Variants in FRYL observed in about 807,000 individuals in gnomAD.
FRYL encodes the protein protein furry homolog-like.
In FRYL, 150 loss-of-function variants were observed where a neutral mutation model predicts 351.2. The ratio of observed to expected loss-of-function variants is 0.43; its 90% CI spans 0.37 to 0.49. FRYL has a LOEUF of 0.49. Ranked by LOEUF, FRYL falls within the 20% of genes least tolerant of loss-of-function variation. The pLI is 0.00. For synonymous variants in FRYL, 1,153 were observed against 1,257.1 expected (o/e 0.92, Z 1.75); for missense variants, 3,036 against 3,619.3 (o/e 0.84, Z 4.13).
At chr4:48,724,236 A>G (rs1322904412) in intron 1 of FRYL, among the ~76,000 whole-genome samples, 1 of 152,168 alleles carries the variant, frequency 6.6e-6, no homozygotes, top group African/African-American at 2.4e-5. Flanking sequence ...AAGACAGGGG[A>G]AAAAGTCCAT....
chr4:48,638,935 A>G (rs981854733), intron 3 of FRYL, among the ~76,000 whole-genome samples: 2 of 152,094 alleles, frequency 1.3e-5, no homozygotes, highest in African/African-American at 4.8e-5. Flanking sequence ...GGAGGGGAAC[A>G]TCACACACTG....
At chr4:48,641,776 A>C (rs556783090) in intron 3 of FRYL, among the ~76,000 whole-genome samples, 23 of 152,304 alleles carry the variant, frequency 1.5e-4, no homozygotes, top group African/African-American at 5.5e-4. Context: ...TAAAGGTCCA[A>C]ATTCTTATCA....
intron 3 of FRYL, among the ~76,000 whole-genome samples, chr4:48,671,602 G>C (rs1762677974): frequency 6.6e-6 from 1 of 152,102 alleles, no homozygotes; most frequent in Non-Finnish European, 1.5e-5. Flanking sequence ...GGGAGGCAGA[G>C]GTTGTGGTGA....
At chr4:48,544,022 G>A (rs1204436133) in intron 43 of FRYL, 25 bp from the exon 44 acceptor site, 2 of 1,603,252 alleles carry the variant, frequency 1.2e-6, no homozygotes, top group African/African-American at 1.3e-5. Flanking sequence ...GAAACGAGTA[G>A]GTTGTTCTTG....
In FRYL at chr4:48,582,597, A is replaced by C. The variant is rs1447940880; in HGVS notation, c.1886T>G (p.Val629Gly). ...VYFIVREVTD[V>G]HPTLLDNAVK... ...GGCATTATCAAGAAGTGTGGGATGG[A>C]CATCAGTCACTTCACGAACAATAAA... The change falls in exon 20 of 64, where the codon GTC becomes GGC. Residue 629 changes from valine to glycine, a missense_variant. By Grantham distance (109) the Val-to-Gly change is moderately radical. Coordinates refer to ENST00000358350, the MANE Select transcript of FRYL (RefSeq NM_015030.2). 2 of 1,613,758 alleles carry C rather than the reference A, an allele frequency of 1.2e-6. No individual in the cohort carries two copies. Among genetic ancestry groups the C allele is most frequent in the African/African-American group, 2.7e-5 (2 of 74,934 alleles).
Position 48,557,109 on chromosome 4 carries a change from C to T in FRYL, c.4135G>A (p.Glu1379Lys), listed in dbSNP as rs186515758. Residue 1379 changes from glutamate to lysine, a missense_variant, in exon 35 of 64, where the codon GAA becomes AAA. By Grantham distance (56) the Glu-to-Lys change is moderately conservative. Around this residue, in one of 7 missense-constraint regions of FRYL, gnomAD observed 1,987 missense variants for 2,311.7 expected, o/e 0.86. Transcript: ENST00000358350. Reference sequence around the variant, plus strand: ...TTCTCCACCTCCGACCAGGCCAGTTCATCGCCATACTAGATGCAATATGCA... The same window carrying T: ...TTCTCCACCTCCGACCAGGCCAGTTTATCGCCATACTAGATGCAATATGCA... ...LMYMTAKYGD[E>K]LAWSEVENVW... 53 of 1,586,384 alleles carry T rather than the reference C, an allele frequency of 3.3e-5. No homozygotes were observed. The East Asian group carries it at 7.0e-4, about 21-fold the overall frequency.
chr4:48,506,344 G>A (rs1054108591), intron 59 of FRYL: 7 of 150,856 alleles, frequency 4.6e-5, no homozygotes, highest in African/African-American at 1.5e-4. Context: ...GACCATCCTG[G>A]GCAACATAGG....
At chr4:48,712,644 G>A (rs1054758758) in intron 1 of FRYL, among the ~76,000 whole-genome samples, 2 of 152,220 alleles carry the variant, frequency 1.3e-5, no homozygotes, top group Non-Finnish European at 2.9e-5. Context: ...AAAACACTCT[G>A]CAGGATATTG....
chr4:48,613,954 C>CAA (rs35519906), intron 7 of FRYL, among the ~76,000 whole-genome samples: 3,120 of 114,904 alleles, frequency 0.027, 57 homozygotes, highest in Non-Finnish European at 0.039. Flanking sequence ...TGACTCCAAC[C>CAA]AAAAAAAAAA....
chr4:48,605,671 A>C, intron 11 of FRYL, 70 bp downstream of exon 11: 1 of 1,034,978 alleles, frequency 9.7e-7, no homozygotes, highest in East Asian at 2.5e-5. Context: ...TAGGACAAAA[A>C]ATAAAAGTAT....
intron 1 of FRYL, among the ~76,000 whole-genome samples, chr4:48,720,436 G>T (rs956541742): frequency 1.3e-5 from 2 of 152,058 alleles, no homozygotes; most frequent in Non-Finnish European, 2.9e-5. Flanking sequence ...GGTGGAGGTT[G>T]CAGTGAGCTG....
At chr4:48,674,701 C>G (rs1246471250) in intron 3 of FRYL, among the ~76,000 whole-genome samples, 2 of 118,680 alleles carry the variant, frequency 1.7e-5, no homozygotes, top group African/African-American at 6.4e-5. Context: ...CGCTCCACTG[C>G]ACTCCAGCCA....
At chr4:48,523,234 A>G in intron 53 of FRYL, 130 bp from the exon 54 acceptor site, 1 of 618,446 alleles carries the variant, frequency 1.6e-6, no homozygotes. Flanking sequence ...AGTTTCAATC[A>G]GCCCTTCAAT....
At chr4:48,744,777 G>A (rs545854395) in intron 1 of FRYL, among the ~76,000 whole-genome samples, 7 of 151,962 alleles carry the variant, frequency 4.6e-5, no homozygotes, top group African/African-American at 1.7e-4. Flanking sequence ...AGTTTCTATT[G>A]TATTTACCAT....
At chr4:48,732,748 G>A (rs567788838) in intron 1 of FRYL, among the ~76,000 whole-genome samples, 37 of 150,052 alleles carry the variant, frequency 2.5e-4, no homozygotes, top group African/African-American at 9.1e-4. Flanking sequence ...GACACAGGGA[G>A]GGGAACATCA....
rs529891293 is a variant in FRYL, at chr4:48,655,124, A to G, written c.-80-20634T>C. Among the ~76,000 whole-genome samples, 4 of 152,176 alleles carry G rather than the reference A, an allele frequency of 2.6e-5. No individual in the cohort carries two copies. The South Asian group carries it at 8.3e-4, about 31-fold the overall frequency. The stretch of plus-strand genomic sequence containing the variant: ...ATCCTTTCACAAACAACTATCATAC[A>G]TTATGGGAAATTCATTAAGAGATAT... On this transcript the variant is annotated intron_variant, in intron 3 of 63. Transcript: ENST00000358350.
At position 48,579,147 on chromosome 4, in the gene FRYL, G is replaced by A; in HGVS notation, c.2354C>T (p.Pro785Leu). The stretch of plus-strand genomic sequence containing the variant: ...ATGTGCAAATATCCATATATGTGAT[G>A]GACTAATCACATCAAACTGGTGGCT... Reference protein sequence around the residue: ...PISHQFDVISPSHIWIFAHVT... With the variant: ...PISHQFDVISLSHIWIFAHVT... The change falls in exon 23 of 64, where the codon CCA becomes CTA. Residue 785 changes from proline (P) to leucine (L), a missense_variant. This residue lies in a region of FRYL where 492 missense variants were observed against 551.5 expected (regional missense o/e 0.89). Transcript: ENST00000358350. 1.9e-6 allele frequency: 3 copies of A among 1,611,872 alleles called. No homozygotes were observed. Among genetic ancestry groups the A allele is most frequent in the Non-Finnish European group, 2.5e-6 (3 of 1,178,020 alleles).
intron 3 of FRYL, among the ~76,000 whole-genome samples, chr4:48,647,438 T>C (rs537898851): frequency 3.9e-5 from 6 of 152,362 alleles, no homozygotes; most frequent in African/African-American, 1.4e-4. Flanking sequence ...CTCAGTCACC[T>C]ATGAATATTT....
chr4:48,500,324 A>C lies in FRYL; in HGVS notation c.8593-104T>G, dbSNP rs1719267771. Reference sequence around the variant, plus strand: ...ATGGCAGTAGCATTGTTGCTCTTAAAGATTATTTTAAAATGTTTGTCTTGG... The same window carrying C: ...ATGGCAGTAGCATTGTTGCTCTTAACGATTATTTTAAAATGTTTGTCTTGG... On this transcript the variant is annotated intron_variant, in intron 62 of 63. Transcript: ENST00000358350. The C allele has an allele frequency of 1.8e-5, 11 of 621,422 alleles. No homozygotes were observed. The Admixed American group carries it at 3.3e-4, about 19-fold the overall frequency. The allele number at this position is 621,422 out of a possible 1,614,324, so 38.5% of individuals were successfully genotyped here. A position where few individuals can be genotyped will look rare whatever the true frequency, so the allele number is the denominator to read the frequency against.
Sources: allele counts gnomAD v4.1 joint callset (sites outside exome capture counted in the v4.1 genomes callset), GRCh38; gene constraint gnomAD v4.1.1; regional missense constraint gnomAD v4.1.1; transcripts MANE v1.5; gene names NCBI Gene and HGNC (gene_info 2026-07-23, HGNC 2026-07-21).